NALF1: variants seen among roughly 807,000 people sequenced by gnomAD.
The protein encoded by NALF1 is NALCN channel auxiliary factor 1.
NALF1 carries 3 observed loss-of-function variants against 48.4 expected under a neutral mutation model. That is an observed-to-expected ratio of 0.06 (90% CI 0.03 to 0.16). NALF1 has a LOEUF of 0.16. Ranked by LOEUF, NALF1 falls within the 10% of genes least tolerant of loss-of-function variation. The pLI, the probability that NALF1 is intolerant of heterozygous loss-of-function variation, is 1.00. For missense variants in NALF1, 526 were observed against 571.5 expected (o/e 0.92, Z 0.81); for synonymous variants, 262 against 245.7 (o/e 1.07, Z -0.62).
At chr13:107,777,228 T>C (rs2391565) in intron 1 of NALF1, among the ~76,000 whole-genome samples, 5,872 of 152,180 alleles carry the variant, frequency 0.039, 135 homozygotes, top group African/African-American at 0.061. Context: ...TTGTACCTAT[T>C]TTATAGGTAA....
At chr13:107,445,309 A>G (rs925591985) in intron 1 of NALF1, among the ~76,000 whole-genome samples, 14 of 152,286 alleles carry the variant, frequency 9.2e-5, no homozygotes, top group African/African-American at 2.6e-4. Flanking sequence ...TTGTTTAATG[A>G]ATTTTACACA....
intron 1 of NALF1, among the ~76,000 whole-genome samples, chr13:107,399,722 C>A (rs943574478): frequency 2.0e-5 from 3 of 152,092 alleles, no homozygotes; most frequent in Non-Finnish European, 4.4e-5. Flanking sequence ...AAGAGGAAAA[C>A]GAGTAGCAGA....
chr13:107,583,468 C>G (rs181822931), intron 1 of NALF1, among the ~76,000 whole-genome samples: 246 of 152,186 alleles, frequency 1.6e-3, no homozygotes, highest in Middle Eastern at 0.01. Flanking sequence ...ATTTTTATGT[C>G]TTTTGGATGT....
intron 1 of NALF1, among the ~76,000 whole-genome samples, chr13:107,734,190 G>C (rs1430742769): frequency 1.3e-5 from 2 of 152,084 alleles, no homozygotes; most frequent in African/African-American, 4.8e-5. Context: ...TATGCAGTCT[G>C]TCCCTGACCA....
At chr13:107,200,221 G>A (rs71435227) in intron 2 of NALF1, among the ~76,000 whole-genome samples, 73 of 152,318 alleles carry the variant, frequency 4.8e-4, no homozygotes, top group African/African-American at 1.6e-3. Flanking sequence ...GGGGGTCAGG[G>A]AGGACCTCCT....
chr13:107,778,253 C>T (rs994197548), intron 1 of NALF1, among the ~76,000 whole-genome samples: 1 of 152,128 alleles, frequency 6.6e-6, no homozygotes, highest in African/African-American at 2.4e-5. Flanking sequence ...CATCTGTCTT[C>T]CTCCATCCCT....
rs947273650 is a variant in NALF1, at chr13:107,866,765, T to TCTCTCC, written c.-175_-170dup. 1.8e-5 allele frequency: 11 copies of TCTCTCC among 603,184 alleles called. No individual in the cohort carries two copies. The highest frequency in any genetic ancestry group is 2.3e-5 in the Non-Finnish European group (8 of 342,606). The allele number at this position is 603,184 out of a possible 1,614,324, so 37.4% of individuals were successfully genotyped here. ...CCCCTCTCCCTCTCTCCTCTCTCTC[T>TCTCTCC]CTCTCCCTCTCCCTCTCTTTTATCT... On this transcript the variant is annotated 5_prime_UTR_variant, in exon 1 of 3. Coordinates refer to ENST00000375915, the MANE Select transcript of NALF1 (RefSeq NM_001080396.3). The surrounding 1 kb of genome is among the most constrained non-coding windows in gnomAD (Gnocchi z 4.4).
chr13:107,579,757 TG>T (rs1878251628), intron 1 of NALF1, among the ~76,000 whole-genome samples: 1 of 152,092 alleles, frequency 6.6e-6, no homozygotes, highest in Non-Finnish European at 1.5e-5. Context: ...TGTGCCATGC[TG>T]GTGTGCTGCA....
At chr13:107,447,430 T>C (rs947041532) in intron 1 of NALF1, among the ~76,000 whole-genome samples, 1 of 152,170 alleles carries the variant, frequency 6.6e-6, no homozygotes, top group Non-Finnish European at 1.5e-5. Context: ...CCAGTCACCA[T>C]AAGATGCTCA....
intron 1 of NALF1, among the ~76,000 whole-genome samples, chr13:107,460,996 T>C (rs1033402744): frequency 1.3e-5 from 2 of 152,190 alleles, no homozygotes; most frequent in Non-Finnish European, 2.9e-5. Flanking sequence ...TACTTCACTG[T>C]GGGACCTAAA....
intron 1 of NALF1, among the ~76,000 whole-genome samples, chr13:107,854,045 A>G (rs1880381241): frequency 6.6e-6 from 1 of 152,248 alleles, no homozygotes; most frequent in South Asian, 2.1e-4. Context: ...TTGTCAATGA[A>G]GCAAAACTAT....
intron 1 of NALF1, among the ~76,000 whole-genome samples, chr13:107,332,182 C>T (rs1015990064): frequency 1.3e-5 from 2 of 152,134 alleles, no homozygotes; most frequent in African/African-American, 2.4e-5. Flanking sequence ...ATAAAGACCC[C>T]ACTTTCAAAA....
At chr13:107,555,890 GATAAT>G (rs1398197041) in intron 1 of NALF1, among the ~76,000 whole-genome samples, 3 of 151,920 alleles carry the variant, frequency 2.0e-5, no homozygotes, top group African/African-American at 7.3e-5. Flanking sequence ...CAGCAAAAAA[GATAAT>G]ATTTTGAGAA....
At chr13:107,364,924 G>GCCCCCTCCCCCTCCCACT (rs1883125784) in intron 1 of NALF1, among the ~76,000 whole-genome samples, 1 of 37,142 alleles carries the variant, frequency 2.7e-5, no homozygotes, top group African/African-American at 1.1e-4. Context: ...CCTCTCCCCT[G>GCCCCCTCCCCCTCCCACT]CCCCCTCCCC....
At chr13:107,754,188 T>A (rs571506700) in intron 1 of NALF1, among the ~76,000 whole-genome samples, 1 of 152,282 alleles carries the variant, frequency 6.6e-6, no homozygotes, top group East Asian at 1.9e-4. Flanking sequence ...TTAAGTAAAG[T>A]TTATTTTTGT....
intron 1 of NALF1, among the ~76,000 whole-genome samples, chr13:107,352,395 C>T (rs534491031): frequency 6.6e-6 from 1 of 152,202 alleles, no homozygotes; most frequent in Non-Finnish European, 1.5e-5. Flanking sequence ...TCAACAGTGT[C>T]GTAGTCAGTT....
At chr13:107,819,683 T>TCTCTCTCTC (rs1879297897) in intron 1 of NALF1, among the ~76,000 whole-genome samples, 1 of 136,468 alleles carries the variant, frequency 7.3e-6, no homozygotes, top group Non-Finnish European at 1.6e-5. Context: ...CAGCTGGAAA[T>TCTCTCTCTC]TCTCTCTCTC....
At chr13:107,616,054 A>G (rs1016635019) in intron 1 of NALF1, among the ~76,000 whole-genome samples, 3 of 152,190 alleles carry the variant, frequency 2.0e-5, no homozygotes, top group African/African-American at 7.2e-5. Flanking sequence ...AAAAATTTGC[A>G]ATAAATGACA....
At chr13:107,528,890 C>T (rs922545614) in intron 1 of NALF1, among the ~76,000 whole-genome samples, 1 of 152,100 alleles carries the variant, frequency 6.6e-6, no homozygotes, top group African/African-American at 2.4e-5. Context: ...AACAAAAGCA[C>T]AATGAAATCT....
Sources: gnomAD v4.1 joint callset for allele counts (sites outside exome capture counted in the v4.1 genomes callset) on GRCh38, gnomAD v4.1.1 for gene constraint, Gnocchi (gnomAD v3.1) non-coding constraint, MANE v1.5 for transcripts, NCBI Gene and HGNC (gene_info 2026-07-23, HGNC 2026-07-21) for gene names.